DBF4B: variants seen among roughly 807,000 people sequenced by gnomAD.
The protein encoded by DBF4B is DBF4B-CDC7 kinase regulatory subunit, also known as protein DBF4 homolog B.
Under a neutral mutation model 53.4 loss-of-function variants are expected in DBF4B, and 49 were observed. The observed-to-expected ratio is 0.92, with a 90% CI of 0.73 to 1.16. The LOEUF is 1.16. DBF4B is among the 50% of genes most tolerant of loss of function. The pLI is 0.00. For missense variants in DBF4B, 692 were observed against 775.0 expected, an observed-to-expected ratio of 0.89 and a Z score of 1.27; for synonymous variants, 257 against 288.7, an observed-to-expected ratio of 0.89 and a Z score of 1.11.
In DBF4B at chr17:44,732,205, G is replaced by C. The variant is rs752791210; in HGVS notation, c.496G>C (p.Gly166Arg). The C allele has an allele frequency of 6.2e-7, 1 of 1,614,150 alleles. No homozygotes were observed. Among genetic ancestry groups the C allele is most frequent in the South Asian group, 1.1e-5 (1 of 91,076 alleles). ...QGSISGGGSG[G>R]SSSLLTNARS... ...GAGCATCAGTGGAGGAGGCAGTGGG[G>C]GCAGCAGCAGCCTCCTGACCAATGC... Residue 166 changes from glycine to arginine, a missense_variant, in exon 6 of 14, where the codon GGC becomes CGC. Physicochemically the swap from Gly to Arg is moderately radical, Grantham distance 125 (BLOSUM62 -2). This residue lies in a region of DBF4B where 597 missense variants were observed against 665.8 expected (regional missense o/e 0.90). Transcript: ENST00000315005.
intron 2 of DBF4B, among the ~76,000 whole-genome samples, chr17:44,712,709 G>C (rs1452998250): frequency 6.6e-6 from 1 of 151,750 alleles, no homozygotes; most frequent in Non-Finnish European, 1.5e-5. Context: ...AAAGTGCTGG[G>C]ATTACAGGTG....
Position 44,747,469 on chromosome 17 carries a change from C to G in DBF4B, c.1018C>G (p.Leu340Val). 6.2e-7 allele frequency: 1 copy of G among 1,614,140 alleles called. No individual in the cohort carries two copies. Among genetic ancestry groups the G allele is most frequent in the Non-Finnish European group, 8.5e-7 (1 of 1,180,044 alleles). ...YAEVDRIIAQ[L>V]SHSFADIPFQ... is the part of the protein sequence containing the mutation. The stretch of plus-strand genomic sequence containing the variant: ...AGAAGTGGACAGGATCATTGCTCAG[C>G]TCAGCCACAGCTTTGCAGACATCCC... Residue 340 changes from leucine to valine, a missense_variant, in exon 12 of 14, where the codon CTC (leucine) becomes GTC (valine). Leu to Val is a conservative substitution (Grantham distance 32, BLOSUM62 1). Transcript: ENST00000315005.
intron 3 of DBF4B, among the ~76,000 whole-genome samples, chr17:44,723,977 G>A (rs1974072966): frequency 6.6e-6 from 1 of 151,984 alleles, no homozygotes; most frequent in African/African-American, 2.4e-5. Context: ...CGGGTGTGGT[G>A]GTGCATGACT....
chr17:44,716,012 C>T (rs1481811966), intron 2 of DBF4B, among the ~76,000 whole-genome samples: 2 of 150,430 alleles, frequency 1.3e-5, no homozygotes, highest in Admixed American at 6.6e-5. Flanking sequence ...TTGGTAGAGA[C>T]GGGGTTTCAC....
chr17:44,738,724 T>G (rs1420379956), intron 9 of DBF4B, among the ~76,000 whole-genome samples: 2 of 152,332 alleles, frequency 1.3e-5, no homozygotes, highest in South Asian at 2.1e-4. Context: ...TGGTGTCCCA[T>G]GCAGGCTCAT....
At chr17:44,710,339 AAG>A (rs1972758661) in intron 2 of DBF4B, among the ~76,000 whole-genome samples, 1 of 152,068 alleles carries the variant, frequency 6.6e-6, no homozygotes, top group Non-Finnish European at 1.5e-5. Context: ...GGAGAACTTC[AAG>A]AGTGTTTTCA....
chr17:44,710,798 C>T (rs1233416317), intron 2 of DBF4B, among the ~76,000 whole-genome samples: 1 of 151,950 alleles, frequency 6.6e-6, no homozygotes, highest in Non-Finnish European at 1.5e-5. Context: ...GTCTTCAACT[C>T]CTGGGCTCAA....
intron 3 of DBF4B, 38 bp from the exon 4 acceptor site, chr17:44,729,867 C>T (rs781343497): frequency 6.3e-7 from 1 of 1,599,720 alleles, no homozygotes; most frequent in Non-Finnish European, 8.5e-7. Flanking sequence ...TCTGCATTTG[C>T]TTTTTGGTTT....
At chr17:44,741,292 T>C in intron 9 of DBF4B, 44 bp from the exon 10 acceptor site, 4 of 1,466,108 alleles carry the variant, frequency 2.7e-6, no homozygotes, top group East Asian at 2.3e-5. Flanking sequence ...CCTCAGCCTT[T>C]ACCTTCCCCA....
At chr17:44,730,120 T>A in intron 4 of DBF4B, 24 bp downstream of exon 4, 3 of 1,609,506 alleles carry the variant, frequency 1.9e-6, no homozygotes, top group Non-Finnish European at 2.5e-6. Context: ...GTAGGAAAGG[T>A]ATGCTGTGTA....
chr17:44,751,245 T>C lies in DBF4B; in HGVS notation c.1840T>C (p.Ser614Pro). 2 of 1,612,642 alleles carry C rather than the reference T, an allele frequency of 1.2e-6. No homozygotes were observed. The highest frequency in any genetic ancestry group is 2.2e-5 in the East Asian group (1 of 44,882). ...FLHCGFLAVD[S>P]G The stretch of plus-strand genomic sequence containing the variant: ...CCATTGCGGCTTCCTGGCTGTAGAC[T>C]CAGGTTAGAGGTGAACCCAGAACAC... Residue 614 changes from serine (S) to proline (P), a missense_variant, in exon 14 of 14, where the codon TCA (serine) becomes CCA (proline). Ser to Pro is a moderately conservative substitution (Grantham distance 74, BLOSUM62 -1). This residue lies in a region of DBF4B where 597 missense variants were observed against 665.8 expected (regional missense o/e 0.90). Coordinates refer to ENST00000315005, the MANE Select transcript of DBF4B (RefSeq NM_145663.3).
intron 6 of DBF4B, among the ~76,000 whole-genome samples, chr17:44,733,217 C>T (rs1040322339): frequency 3.3e-5 from 5 of 151,860 alleles, no homozygotes; most frequent in African/African-American, 9.7e-5. Flanking sequence ...CTCTGTGCTA[C>T]GAATTACCTC....
chr17:44,725,684 C>CTTTTTTTT lies in DBF4B; in HGVS notation c.225+2675_225+2682dup, dbSNP rs68091397. On this transcript the variant is annotated intron_variant, in intron 3 of 13. Coordinates refer to ENST00000315005, the MANE Select transcript of DBF4B (RefSeq NM_145663.3). ...ATCCTGCCTTTGTTTTTTTGTGCTT[C>CTTTTTTTT]TTTTTTTTTTTTTTTTTTTTAAGAG... is the stretch of plus-strand genomic sequence containing the variant. 4.3e-3 allele frequency among the ~76,000 whole-genome samples: 380 copies of CTTTTTTTT among 87,624 alleles called. 34 individuals are homozygous for CTTTTTTTT. The highest frequency in any genetic ancestry group is 0.015 in the African/African-American group (310 of 20,848). 57.5% of individuals were successfully genotyped at this position (87,624 alleles called of 152,430 possible). A position where few individuals can be genotyped will look rare whatever the true frequency, so the allele number is the denominator to read the frequency against.
chr17:44,708,744 G>T lies in DBF4B; in HGVS notation c.-77G>T. On this transcript the variant is annotated 5_prime_UTR_variant, in exon 1 of 14. Coordinates refer to ENST00000315005, the MANE Select transcript of DBF4B (RefSeq NM_145663.3). ...ATAACCAGGACTGTGGAATCGGGAAGAGCTCATGGAGCTCGCGAATGTAAT... is the reference window on the plus strand; with the variant it reads ...ATAACCAGGACTGTGGAATCGGGAATAGCTCATGGAGCTCGCGAATGTAAT... 1 of 1,509,556 alleles carries T rather than the reference G, an allele frequency of 6.6e-7. No homozygotes were observed. The highest frequency in any genetic ancestry group is 9.0e-7 in the Non-Finnish European group (1 of 1,117,034). 93.5% of individuals were successfully genotyped at this position (1,509,556 alleles called of 1,614,324 possible). A position where few individuals can be genotyped will look rare whatever the true frequency, so the allele number is the denominator to read the frequency against.
chr17:44,716,352 T>G (rs980065421), intron 2 of DBF4B, among the ~76,000 whole-genome samples: 11 of 152,212 alleles, frequency 7.2e-5, no homozygotes. Flanking sequence ...CTGGTAAGTA[T>G]AAGCTTGTCA....
chr17:44,723,385 G>C (rs996621811), intron 3 of DBF4B, among the ~76,000 whole-genome samples: 1 of 152,104 alleles, frequency 6.6e-6, no homozygotes, highest in African/African-American at 2.4e-5. Flanking sequence ...GATTACAGGC[G>C]TGAGCCACCA....
intron 2 of DBF4B, chr17:44,720,702 T>C (rs1333081375): frequency 6.6e-6 from 1 of 152,578 alleles, no homozygotes; most frequent in Non-Finnish European, 1.5e-5. Flanking sequence ...CTCAAGGATA[T>C]ACCTAGGAGT....
At chr17:44,740,500 TCTC>T (rs1240427083) in intron 9 of DBF4B, among the ~76,000 whole-genome samples, 3 of 152,294 alleles carry the variant, frequency 2.0e-5, no homozygotes, top group African/African-American at 4.8e-5. Context: ...GTGCCTGTCT[TCTC>T]CTTTCAGAAC....
At chr17:44,723,070 T>G in intron 3 of DBF4B, 48 bp downstream of exon 3, 1 of 1,607,888 alleles carries the variant, frequency 6.2e-7, no homozygotes. Context: ...TTTGCAGGCT[T>G]AGAGCAGGAG....
Sources: allele counts gnomAD v4.1 joint callset (sites outside exome capture counted in the v4.1 genomes callset), GRCh38; gene constraint gnomAD v4.1.1; regional missense constraint gnomAD v4.1.1; transcripts MANE v1.5; gene names NCBI Gene and HGNC (gene_info 2026-07-23, HGNC 2026-07-21).